COBL: variants seen among roughly 807,000 people sequenced by gnomAD.
The protein encoded by COBL is cordon-bleu WH2 repeat protein.
Under a neutral mutation model 98.8 loss-of-function variants are expected in COBL, and 51 were observed. The ratio of observed to expected loss-of-function variants is 0.52; its 90% CI spans 0.41 to 0.65. The LOEUF is 0.65. Ranked by LOEUF, COBL falls within the 30% of genes least tolerant of loss-of-function variation. COBL has a pLI of 0.00. For synonymous variants in COBL, 634 were observed against 651.7 expected, an observed-to-expected ratio of 0.97 and a Z score of 0.41; for missense variants, 1,617 against 1,617.5, an observed-to-expected ratio of 1.00 and a Z score of 0.01.
intron 6 of COBL, among the ~76,000 whole-genome samples, chr7:51,099,091 C>CAAAAAAAAAAAA (rs542571317): frequency 1.0e-5 from 1 of 95,520 alleles, no homozygotes; most frequent in Non-Finnish European, 2.2e-5. Flanking sequence ...TGGCCACTAT[C>CAAAAAAAAAAAA]AAAAAAAAAA....
At chr7:51,244,011 G>C (rs1056547984) in intron 1 of COBL, among the ~76,000 whole-genome samples, 1 of 152,278 alleles carries the variant, frequency 6.6e-6, no homozygotes, top group Middle Eastern at 3.4e-3. Context: ...AAATATATCA[G>C]CTAAGGAAAG....
chr7:51,235,702 G>C (rs1459016682), intron 1 of COBL, among the ~76,000 whole-genome samples: 1 of 152,128 alleles, frequency 6.6e-6, no homozygotes, highest in African/African-American at 2.4e-5. Flanking sequence ...TGCTGGTTTG[G>C]AGGGGCCTGA....
chr7:51,060,689 G>A (rs74844547), intron 7 of COBL, among the ~76,000 whole-genome samples: 1 of 152,250 alleles, frequency 6.6e-6, no homozygotes, highest in African/African-American at 2.4e-5. Context: ...CTAGCAAAAC[G>A]TTTTCCTCAT....
chr7:51,184,427 G>A (rs1379302663), intron 4 of COBL, among the ~76,000 whole-genome samples: 1 of 152,172 alleles, frequency 6.6e-6, no homozygotes, highest in Non-Finnish European at 1.5e-5. Context: ...AATGATGGAG[G>A]CATTTTCTCT....
At chr7:51,264,433 G>A (rs1291134301) in intron 1 of COBL, among the ~76,000 whole-genome samples, 2 of 152,112 alleles carry the variant, frequency 1.3e-5, no homozygotes, top group Admixed American at 1.3e-4. Context: ...CAATTTGGGA[G>A]GTCAACACGG....
chr7:51,147,668 G>T (rs10277336), intron 5 of COBL, among the ~76,000 whole-genome samples: 3 of 152,088 alleles, frequency 2.0e-5, no homozygotes, highest in Non-Finnish European at 4.4e-5. Flanking sequence ...CCTAACGCCC[G>T]CTTGGACTAG....
intron 7 of COBL, among the ~76,000 whole-genome samples, chr7:51,084,045 C>T (rs1583727127): frequency 6.6e-6 from 1 of 152,136 alleles, no homozygotes; most frequent in African/African-American, 2.4e-5. Flanking sequence ...TTTAATGATC[C>T]ACTGATAATG....
At chr7:51,169,490 A>T (rs1787646080) in intron 5 of COBL, among the ~76,000 whole-genome samples, 1 of 152,242 alleles carries the variant, frequency 6.6e-6, no homozygotes, top group South Asian at 2.1e-4. Context: ...TTTGGTTTCC[A>T]ATATACACAA....
At chr7:51,143,309 T>C (rs866590432) in intron 5 of COBL, among the ~76,000 whole-genome samples, 73 of 152,312 alleles carry the variant, frequency 4.8e-4, no homozygotes, top group African/African-American at 1.7e-3. Context: ...TTCCAACTTA[T>C]AAAAATAATA....
At chr7:51,090,922 A>T (rs952774921) in intron 6 of COBL, among the ~76,000 whole-genome samples, 9 of 152,244 alleles carry the variant, frequency 5.9e-5, no homozygotes, top group Non-Finnish European at 1.0e-4. Flanking sequence ...GCACGAGATT[A>T]CAAGCTCATA....
At chr7:51,310,417 GAAGA>G (rs1802905842) in intron 1 of COBL, among the ~76,000 whole-genome samples, 1 of 152,208 alleles carries the variant, frequency 6.6e-6, no homozygotes, top group Middle Eastern at 3.2e-3. Context: ...GCCTTTGATA[GAAGA>G]AAGTCAATAG....
intron 1 of COBL, among the ~76,000 whole-genome samples, chr7:51,240,252 C>G (rs1448271552): frequency 6.6e-6 from 1 of 152,190 alleles, no homozygotes; most frequent in Admixed American, 6.5e-5. Flanking sequence ...GTCACTTCCA[C>G]ATTGTGAATC....
chr7:51,041,621 C>T (rs1200590311), intron 8 of COBL, among the ~76,000 whole-genome samples: 1 of 151,274 alleles, frequency 6.6e-6, no homozygotes, highest in African/African-American at 2.4e-5. Context: ...GCAGCTGGGA[C>T]TACAGGCAAG....
chr7:51,154,784 T>C (rs998455648), intron 5 of COBL, among the ~76,000 whole-genome samples: 1 of 152,266 alleles, frequency 6.6e-6, no homozygotes, highest in Admixed American at 6.5e-5. Context: ...TTGAGAGTTC[T>C]GGGCAACCAG....
chr7:51,269,966 C>T (rs1461752783), intron 1 of COBL, among the ~76,000 whole-genome samples: 1 of 152,202 alleles, frequency 6.6e-6, no homozygotes, highest in African/African-American at 2.4e-5. Flanking sequence ...CTCCTTCCCT[C>T]TAGCTGAACT....
At chr7:51,204,116 T>C (rs1030918950) in intron 2 of COBL, among the ~76,000 whole-genome samples, 29 of 152,240 alleles carry the variant, frequency 1.9e-4, no homozygotes, top group Non-Finnish European at 2.8e-4. Context: ...CAAGGAAACA[T>C]AGAAACTACA....
At chr7:51,279,445 CA>C (rs112982123) in intron 1 of COBL, among the ~76,000 whole-genome samples, 2,209 of 152,262 alleles carry the variant, frequency 0.015, 45 homozygotes, top group African/African-American at 0.05. Context: ...AATATGAAAT[CA>C]ACTGGCACAT....
chr7:51,094,110 A>C (rs938954335), intron 6 of COBL, among the ~76,000 whole-genome samples: 15 of 152,010 alleles, frequency 9.9e-5, no homozygotes, highest in Non-Finnish European at 1.3e-4. Context: ...CATTATGCTA[A>C]GTAAAATAAG....
At chr7:51,201,842 C>A (rs908375736) in intron 2 of COBL, among the ~76,000 whole-genome samples, 1 of 152,086 alleles carries the variant, frequency 6.6e-6, no homozygotes, top group Non-Finnish European at 1.5e-5. Context: ...ATGGAATTCA[C>A]CTTCTGTGAT....
Sources: gnomAD v4.1 joint callset for allele counts (sites outside exome capture counted in the v4.1 genomes callset) on GRCh38, gnomAD v4.1.1 for gene constraint, MANE v1.5 for transcripts, NCBI Gene and HGNC (gene_info 2026-07-23, HGNC 2026-07-21) for gene names.